CLDN14: variants seen among roughly 807,000 people sequenced by gnomAD.
The protein encoded by CLDN14 is claudin-14.
A neutral mutation model predicts 2.1 loss-of-function variants in CLDN14; 2 were observed. The observed-to-expected ratio is 0.96, with a 90% CI of 0.39 to 3.01. The LOEUF (loss-of-function observed/expected upper bound fraction) is 3.01. Ranked by LOEUF, CLDN14 falls within the 30% of genes most tolerant of loss-of-function variation. The probability of loss-of-function intolerance (pLI) is 0.09; values close to 1 mark genes in which losing one functional copy is unlikely to be tolerated. For synonymous variants in CLDN14, 136 were observed against 154.4 expected, an observed-to-expected ratio of 0.88 and a Z score of 0.88; for missense variants, 298 against 328.0, an observed-to-expected ratio of 0.91 and a Z score of 0.71.
chr21:36,460,870 A>G lies in CLDN14; in HGVS notation c.*106T>C, dbSNP rs2086557182. ...GCATTCACATTATTTCCTTGGATAC[A>G]AAAATTGCCCAGAAGTAAACTTTGT... On this transcript the variant is annotated 3_prime_UTR_variant, in exon 2 of 2. Coordinates refer to ENST00000399135, the MANE Select transcript of CLDN14 (RefSeq NM_001146079.2). The surrounding 1 kb of genome is among the most constrained non-coding windows in gnomAD (Gnocchi z 4.0). The G allele has an allele frequency of 7.4e-7, 1 of 1,356,350 alleles. No individual in the cohort carries two copies. Among genetic ancestry groups the G allele is most frequent in the Admixed American group, 2.0e-5 (1 of 49,340 alleles). The allele number at this position is 1,356,350 out of a possible 1,614,324, so 84.0% of individuals were successfully genotyped here.
At chr21:36,533,183 G>A (rs922565003) in intron 1 of CLDN14, among the ~76,000 whole-genome samples, 6 of 152,194 alleles carry the variant, frequency 3.9e-5, no homozygotes, top group Admixed American at 1.3e-4. Context: ...TGCACATCTG[G>A]CTGTGCCTTC....
At chr21:36,520,178 C>T (rs563531052) in intron 1 of CLDN14, among the ~76,000 whole-genome samples, 14 of 72,034 alleles carry the variant, frequency 1.9e-4, no homozygotes, top group African/African-American at 3.5e-4. Context: ...TCTGCCTTCA[C>T]ATGGCCGTCT....
At chr21:36,475,423 G>A (rs2086765213) in intron 1 of CLDN14, among the ~76,000 whole-genome samples, 1 of 152,224 alleles carries the variant, frequency 6.6e-6, no homozygotes. Flanking sequence ...GCTTTAAAAA[G>A]ATCCGGATGC....
chr21:36,535,519 T>G (rs543989127), intron 1 of CLDN14, among the ~76,000 whole-genome samples: 1 of 152,224 alleles, frequency 6.6e-6, no homozygotes, highest in Non-Finnish European at 1.5e-5. Context: ...CAAAATGGTA[T>G]GTGAATTATA....
At chr21:36,530,066 T>A (rs1374868523) in intron 1 of CLDN14, among the ~76,000 whole-genome samples, 3 of 152,200 alleles carry the variant, frequency 2.0e-5, no homozygotes, top group Non-Finnish European at 4.4e-5. Flanking sequence ...CAGTTAAAGA[T>A]TAAGTCTTTG....
intron 1 of CLDN14, among the ~76,000 whole-genome samples, chr21:36,550,751 T>C (rs567579389): frequency 1.3e-5 from 2 of 152,172 alleles, no homozygotes; most frequent in South Asian, 4.1e-4. Flanking sequence ...ATTCTCTATC[T>C]GCTCACTGTC....
chr21:36,493,944 A>G (rs893796559), intron 2 of CLDN14, among the ~76,000 whole-genome samples: 2 of 152,140 alleles, frequency 1.3e-5, no homozygotes, highest in Non-Finnish European at 2.9e-5. Flanking sequence ...GAGCCAGTGG[A>G]TGCCAAGAGC....
Position 36,523,950 on chromosome 21 carries a change from A to AAGC in CLDN14, c.-219-13453_-219-13451dup, listed in dbSNP as rs1194235320. On this transcript the variant is annotated intron_variant, in intron 1 of 2. Transcript: ENST00000342108. The stretch of plus-strand genomic sequence containing the variant: ...CCTGGAGTGTGACCTGAGGGACACA[A>AAGC]AGCAGCACTCTTACCACCCTGAATG... Among the ~76,000 whole-genome samples, 34 of 152,040 alleles carry AAGC rather than the reference A, an allele frequency of 2.2e-4. No individual in the cohort carries two copies. The Middle Eastern group carries it at 0.017, about 76-fold the overall frequency.
intron 1 of CLDN14, among the ~76,000 whole-genome samples, chr21:36,466,764 C>G (rs947364780): frequency 6.6e-6 from 1 of 152,174 alleles, no homozygotes; most frequent in African/African-American, 2.4e-5. Flanking sequence ...AGCATTAACT[C>G]AAAAGTCCAA....
chr21:36,547,996 C>T (rs1192305686), intron 1 of CLDN14, among the ~76,000 whole-genome samples: 10 of 152,214 alleles, frequency 6.6e-5, no homozygotes, highest in Non-Finnish European at 1.3e-4. Context: ...TGGCTTTTGG[C>T]TGACCTTGGT....
chr21:36,478,974 C>T (rs1279375495), intron 1 of CLDN14, among the ~76,000 whole-genome samples: 1 of 151,112 alleles, frequency 6.6e-6, no homozygotes, highest in Non-Finnish European at 1.5e-5. Flanking sequence ...CTATCACTTC[C>T]CCCCCTCTCC....
At chr21:36,552,267 A>C (rs2087568155) in intron 1 of CLDN14, among the ~76,000 whole-genome samples, 1 of 152,252 alleles carries the variant, frequency 6.6e-6, no homozygotes, top group Non-Finnish European at 1.5e-5. Flanking sequence ...TACTTTAAAA[A>C]AATGGAAATA....
At chr21:36,486,691 A>C (rs1292653174) in intron 2 of CLDN14, 7 of 1,308,004 alleles carry the variant, frequency 5.4e-6, no homozygotes, top group Non-Finnish European at 7.7e-6. Context: ...TCATGTCAAC[A>C]TTTACTTTCT....
At chr21:36,465,018 A>G (rs1382352040) in intron 1 of CLDN14, among the ~76,000 whole-genome samples, 1 of 152,170 alleles carries the variant, frequency 6.6e-6, no homozygotes, top group Non-Finnish European at 1.5e-5. Flanking sequence ...AGGGCAACCA[A>G]CTGCCCTGCT....
chr21:36,524,768 G>A (rs982846423), intron 1 of CLDN14, among the ~76,000 whole-genome samples: 4 of 152,332 alleles, frequency 2.6e-5, no homozygotes, highest in East Asian at 3.9e-4. Flanking sequence ...TGGGAAACTG[G>A]ACCCATGTGG....
rs1330660025 is a variant in CLDN14 at position 36,498,637 on chromosome 21, GCT to G, written c.-82+11724_-82+11725del. On this transcript the variant is annotated intron_variant, in intron 2 of 2. Transcript: ENST00000342108. This position sits in a 1 kb window ranked among gnomAD's most constrained non-coding sequence, Gnocchi z 4.9. Reference sequence around the variant, plus strand: ...TGGAACTGGTAGGACCGATGGCTAAGCTCTCTTCCCCTCCACCCTGGAAAAAA... The same window carrying G: ...TGGAACTGGTAGGACCGATGGCTAAGCTCTTCCCCTCCACCCTGGAAAAAA... 6.6e-6 allele frequency among the ~76,000 whole-genome samples: 1 copy of G among 152,224 alleles called. No homozygotes were observed.
At chr21:36,500,078 A>G (rs751331087) in intron 2 of CLDN14, among the ~76,000 whole-genome samples, 14 of 152,162 alleles carry the variant, frequency 9.2e-5, no homozygotes, top group Non-Finnish European at 2.1e-4. Context: ...AAGGTTTTCA[A>G]TGTGGTGTTT....
intron 2 of CLDN14, among the ~76,000 whole-genome samples, chr21:36,507,456 T>C (rs1385311621): frequency 6.6e-6 from 1 of 151,962 alleles, no homozygotes; most frequent in Non-Finnish European, 1.5e-5. Context: ...GGAAATTGGG[T>C]TTGGTTACTT....
chr21:36,534,736 T>C (rs1182847353), intron 1 of CLDN14, among the ~76,000 whole-genome samples: 2 of 152,206 alleles, frequency 1.3e-5, no homozygotes, highest in Non-Finnish European at 2.9e-5. Context: ...ATTTTCACGA[T>C]GCCACCCAGC....
Sources: allele counts gnomAD v4.1 joint callset (sites outside exome capture counted in the v4.1 genomes callset), GRCh38; gene constraint gnomAD v4.1.1; non-coding constraint Gnocchi (gnomAD v3.1); transcripts MANE v1.5; gene names NCBI Gene and HGNC (gene_info 2026-07-23, HGNC 2026-07-21).